The following WNT7B variants were observed in gnomAD, a reference collection of about 807,000 sequenced individuals.
The protein encoded by WNT7B is Wnt family member 7B.
WNT7B carries 19 observed loss-of-function variants against 38.2 expected under a neutral mutation model. That is an observed-to-expected ratio of 0.50 (90% CI 0.35 to 0.73). The LOEUF is 0.73. Ranked by LOEUF, WNT7B falls within the 30% of genes least tolerant of loss-of-function variation. WNT7B has a pLI of 0.01. For missense variants in WNT7B, 423 were observed against 507.9 expected (o/e 0.83, Z 1.61); for synonymous variants, 243 against 209.3 (o/e 1.16, Z -1.39).
chr22:45,944,476 A>C (rs1382064762), intron 2 of WNT7B, among the ~76,000 whole-genome samples: 2 of 152,176 alleles, frequency 1.3e-5, no homozygotes, highest in Admixed American at 6.5e-5. Context: ...CGCCGCTAGG[A>C]AAGTCTTTCT....
At chr22:45,938,365 T>C (rs114465562) in intron 2 of WNT7B, among the ~76,000 whole-genome samples, 1 of 152,048 alleles carries the variant, frequency 6.6e-6, no homozygotes, top group African/African-American at 2.4e-5. Flanking sequence ...GGCTGGGTGC[T>C]GTGGCTCACA....
chr22:45,930,619 C>G (rs796548827), intron 3 of WNT7B, among the ~76,000 whole-genome samples: 154 of 152,316 alleles, frequency 1.0e-3, no homozygotes, highest in African/African-American at 3.6e-3. Flanking sequence ...CCCCAGCAGC[C>G]CCCGGCTCAC....
At chr22:45,960,588 G>C (rs527965960) in intron 1 of WNT7B, among the ~76,000 whole-genome samples, 6 of 152,348 alleles carry the variant, frequency 3.9e-5, no homozygotes, top group Admixed American at 2.0e-4. Context: ...CCTGGCTGCC[G>C]GGCGGCCCTG....
Position 45,931,080 on chromosome 22 carries a change from G to T in WNT7B, c.570+18C>A. 6.4e-7 allele frequency: 1 copy of T among 1,551,174 alleles called. No homozygotes were observed. ...GCGGTCCCAGCTACGGCCCCCACCAGCCGCACCCGCACCCTACCTTCCTGC... is the reference window on the plus strand; with the variant it reads ...GCGGTCCCAGCTACGGCCCCCACCATCCGCACCCGCACCCTACCTTCCTGC... On this transcript the variant is annotated intron_variant, in intron 3 of 3. Coordinates refer to ENST00000339464, the MANE Select transcript of WNT7B (RefSeq NM_058238.3).
chr22:45,929,262 G>T (rs1430886411), intron 3 of WNT7B, among the ~76,000 whole-genome samples: 1 of 152,122 alleles, frequency 6.6e-6, no homozygotes, highest in Non-Finnish European at 1.5e-5. Flanking sequence ...CTCCTTTATG[G>T]CATGGACTGT....
At chr22:45,943,483 G>A (rs1364923207) in intron 2 of WNT7B, among the ~76,000 whole-genome samples, 1 of 152,228 alleles carries the variant, frequency 6.6e-6, no homozygotes, top group Non-Finnish European at 1.5e-5. Context: ...GAGGTGCTCG[G>A]GGAGCCCAGG....
At position 45,922,753 on chromosome 22, in the gene WNT7B, G is replaced by A. The variant is rs1257932048; in HGVS notation, c.*103C>T. On this transcript the variant is annotated 3_prime_UTR_variant, in exon 4 of 4. Transcript: ENST00000339464. ...CCTGGAGCTCCCCGCTTCTGCACCC[G>A]TCTATGTCTGCTGCTGGCAGCACCA... is the stretch of plus-strand genomic sequence containing the variant. 40 of 1,509,002 alleles carry A rather than the reference G, an allele frequency of 2.7e-5. No homozygotes were observed. Among genetic ancestry groups the A allele is most frequent in the South Asian group, 3.8e-5 (3 of 78,418 alleles). 93.5% of individuals were successfully genotyped at this position (1,509,002 alleles called of 1,614,324 possible).
At chr22:45,957,104 C>CAAAAAAAAAAAAAA (rs34329899) in intron 1 of WNT7B, among the ~76,000 whole-genome samples, 1 of 80,706 alleles carries the variant, frequency 1.2e-5, no homozygotes, top group South Asian at 4.5e-4. Context: ...GACTCTGTCT[C>CAAAAAAAAAAAAAA]AAAAAAAAAA....
Position 45,923,311 on chromosome 22 carries a change from C to G in WNT7B, c.595G>C (p.Glu199Gln), listed in dbSNP as rs756644553. The G allele has an allele frequency of 6.2e-7, 1 of 1,608,472 alleles. No individual in the cohort carries two copies. The highest frequency in any genetic ancestry group is 8.5e-7 in the Non-Finnish European group (1 of 1,176,450). The change falls in exon 4 of 4, where the codon GAG becomes CAG. Residue 199 changes from glutamate to glutamine, a missense_variant. Physicochemically the swap from Glu to Gln is conservative, Grantham distance 29. This residue lies in a region of WNT7B where 132 missense variants were observed against 113.4 expected (regional missense o/e 1.16). Transcript: ENST00000339464. The stretch of plus-strand genomic sequence containing the variant: ...CCAGACACGCCGTGGCACTTGCACT[C>G]CAGCTGCATCCGGTCCTCTAGAACC... ...RKVLEDRMQL[E>Q]CKCHGVSGSC...
chr22:45,968,488 G>A (rs566218628), intron 1 of WNT7B, among the ~76,000 whole-genome samples: 3 of 152,324 alleles, frequency 2.0e-5, no homozygotes, highest in East Asian at 1.9e-4. Context: ...GTCAGGATGA[G>A]GACCCAGATC....
intron 1 of WNT7B, among the ~76,000 whole-genome samples, chr22:45,960,900 CT>C (rs761091344): frequency 1.1e-4 from 16 of 152,318 alleles, no homozygotes; most frequent in South Asian, 4.1e-4. Flanking sequence ...TTCCTTGGGG[CT>C]GAGTATGGGG....
At chr22:45,971,939 G>A (rs1932451286) in intron 1 of WNT7B, among the ~76,000 whole-genome samples, 2 of 152,176 alleles carry the variant, frequency 1.3e-5, no homozygotes, top group East Asian at 3.9e-4. Flanking sequence ...TGACCCCAGA[G>A]CCAGGACTTC....
chr22:45,930,949 T>C (rs1348152409), intron 3 of WNT7B, 149 bp downstream of exon 3: 1 of 1,119,378 alleles, frequency 8.9e-7, no homozygotes, highest in South Asian at 1.7e-5. Flanking sequence ...CTCAGAGCCA[T>C]GCACGTGGAG....
chr22:45,924,965 T>C (rs28558500), intron 3 of WNT7B, among the ~76,000 whole-genome samples: 2,165 of 134,240 alleles, frequency 0.016, 83 homozygotes, highest in African/African-American at 0.06. Context: ...GGGTGCTGGG[T>C]GGGCCCTAGG....
At chr22:45,949,250 G>A (rs1022218139) in intron 2 of WNT7B, among the ~76,000 whole-genome samples, 2 of 152,188 alleles carry the variant, frequency 1.3e-5, no homozygotes, top group Non-Finnish European at 2.9e-5. Flanking sequence ...CAGGGGCTGT[G>A]CACAGGCAGC....
chr22:45,940,865 G>C (rs976361239), intron 2 of WNT7B, among the ~76,000 whole-genome samples: 1 of 152,216 alleles, frequency 6.6e-6, no homozygotes, highest in Non-Finnish European at 1.5e-5. Flanking sequence ...CAGGCAGAGG[G>C]AACAGCAATG....
At chr22:45,936,264 C>T in intron 2 of WNT7B, 2 of 770,804 alleles carry the variant, frequency 2.6e-6, no homozygotes, top group Non-Finnish European at 3.2e-6. Flanking sequence ...CCTTGCTGCA[C>T]AGCCCTAGCT....
chr22:45,954,395 T>C (rs1371087559), intron 1 of WNT7B, among the ~76,000 whole-genome samples: 1 of 152,200 alleles, frequency 6.6e-6, no homozygotes, highest in Non-Finnish European at 1.5e-5. Flanking sequence ...TTAAAAATAG[T>C]CAAAGTGGTA....
At chr22:45,925,749 C>T (rs972811960) in intron 3 of WNT7B, 1 of 985,330 alleles carries the variant, frequency 1.0e-6, no homozygotes, top group Non-Finnish European at 1.2e-6. Context: ...ACCCCAGGAG[C>T]TGCCCTGATG....
Sources: gnomAD v4.1 joint callset for allele counts (sites outside exome capture counted in the v4.1 genomes callset) on GRCh38, gnomAD v4.1.1 for gene constraint, gnomAD v4.1.1 regional missense constraint, MANE v1.5 for transcripts, NCBI Gene and HGNC (gene_info 2026-07-23, HGNC 2026-07-21) for gene names.